MAGI2: variants seen among roughly 807,000 people sequenced by gnomAD.
MAGI2 encodes the protein membrane-associated guanylate kinase, WW and PDZ domain-containing protein 2.
Under a neutral mutation model 133.3 loss-of-function variants are expected in MAGI2, and 35 were observed. That is an observed-to-expected ratio of 0.26 (90% CI 0.20 to 0.35). MAGI2 has a LOEUF of 0.35. Among genes scored for constraint, MAGI2 ranks in the 10% least tolerant of loss-of-function variants. MAGI2 has a pLI of 1.00. For synonymous variants in MAGI2, 729 were observed against 710.6 expected, an observed-to-expected ratio of 1.03 and a Z score of -0.41; for missense variants, 1,636 against 1,863.4, an observed-to-expected ratio of 0.88 and a Z score of 2.25.
chr7:79,148,672 C>T (rs949266213), intron 1 of MAGI2, among the ~76,000 whole-genome samples: 1 of 151,846 alleles, frequency 6.6e-6, no homozygotes, highest in African/African-American at 2.4e-5. Context: ...TGAGGTCTCT[C>T]TCAGGCTCTC....
At chr7:79,288,952 C>T (rs1298174318) in intron 1 of MAGI2, among the ~76,000 whole-genome samples, 1 of 152,114 alleles carries the variant, frequency 6.6e-6, no homozygotes, top group African/African-American at 2.4e-5. Flanking sequence ...GGGCTTTTCT[C>T]TGGCACAGAC....
chr7:78,108,606 GTC>G (rs957711953), intron 20 of MAGI2, among the ~76,000 whole-genome samples: 1 of 149,786 alleles, frequency 6.7e-6, no homozygotes, highest in Non-Finnish European at 1.5e-5. Flanking sequence ...ATTGGGGTCG[GTC>G]TCTCTCTCTC....
intron 1 of MAGI2, among the ~76,000 whole-genome samples, chr7:79,140,524 A>G (rs936516052): frequency 6.6e-6 from 1 of 152,182 alleles, no homozygotes; most frequent in Non-Finnish European, 1.5e-5. Context: ...ACTAGATACA[A>G]GAAGTCATTT....
At chr7:78,176,175 G>T (rs1178760459) in intron 14 of MAGI2, among the ~76,000 whole-genome samples, 1 of 152,140 alleles carries the variant, frequency 6.6e-6, no homozygotes, top group East Asian at 1.9e-4. Flanking sequence ...CTTGTGACAT[G>T]AGATTCTTAA....
chr7:78,096,258 C>A (rs1817682835), intron 20 of MAGI2, among the ~76,000 whole-genome samples: 1 of 152,120 alleles, frequency 6.6e-6, no homozygotes, highest in Non-Finnish European at 1.5e-5. Context: ...TGGTTTGCAC[C>A]TTATGACTAA....
At chr7:79,294,919 T>C (rs541872949) in intron 1 of MAGI2, among the ~76,000 whole-genome samples, 3 of 151,032 alleles carry the variant, frequency 2.0e-5, no homozygotes, top group South Asian at 2.1e-4. Flanking sequence ...TTTTTTTTTT[T>C]AGTAGAGACG....
chr7:78,471,145 T>C (rs1238690657), intron 6 of MAGI2, among the ~76,000 whole-genome samples: 1 of 152,160 alleles, frequency 6.6e-6, no homozygotes, highest in South Asian at 2.1e-4. Flanking sequence ...TCAGTTCTAT[T>C]CCATTAAGAA....
intron 2 of MAGI2, among the ~76,000 whole-genome samples, chr7:78,990,630 C>T (rs2116322161): frequency 6.6e-6 from 1 of 152,018 alleles, no homozygotes; most frequent in Non-Finnish European, 1.5e-5. Flanking sequence ...TTCTACACTG[C>T]TCACTATTTT....
chr7:79,235,364 T>C (rs953214622), intron 1 of MAGI2, among the ~76,000 whole-genome samples: 80 of 152,280 alleles, frequency 5.3e-4, no homozygotes, highest in Non-Finnish European at 8.8e-4. Flanking sequence ...TAAGCAAGCC[T>C]GGGCAATGGC....
At chr7:78,799,700 T>C (rs1787905613) in intron 2 of MAGI2, among the ~76,000 whole-genome samples, 3 of 152,186 alleles carry the variant, frequency 2.0e-5, no homozygotes, top group Admixed American at 6.5e-5. Context: ...AGTTTTAAAG[T>C]AGTAAGTCTT....
At chr7:78,918,180 A>G (rs1000746503) in intron 2 of MAGI2, among the ~76,000 whole-genome samples, 1 of 152,190 alleles carries the variant, frequency 6.6e-6, no homozygotes, top group Admixed American at 6.6e-5. Context: ...TCTATTACTC[A>G]AGAAATTCCA....
intron 2 of MAGI2, among the ~76,000 whole-genome samples, chr7:78,734,893 C>A (rs1305858029): frequency 2.6e-5 from 4 of 152,160 alleles, no homozygotes; most frequent in South Asian, 4.1e-4. Context: ...GTTCAGTGAA[C>A]CCTGCACACA....
chr7:78,125,423 A>G (rs537644579), intron 20 of MAGI2, among the ~76,000 whole-genome samples: 8 of 152,238 alleles, frequency 5.3e-5, no homozygotes, highest in Non-Finnish European at 1.2e-4. Flanking sequence ...TTTCCTTTTC[A>G]AGCTATTTCT....
chr7:78,051,681 T>C (rs148013224), intron 21 of MAGI2, among the ~76,000 whole-genome samples: 14,725 of 152,118 alleles, frequency 0.097, 783 homozygotes, highest in African/African-American at 0.11. Flanking sequence ...GCCTCCTGTG[T>C]TCAAGTGATT....
At chr7:78,392,798 T>C (rs1258661760) in intron 6 of MAGI2, among the ~76,000 whole-genome samples, 1 of 152,048 alleles carries the variant, frequency 6.6e-6, no homozygotes, top group African/African-American at 2.4e-5. Flanking sequence ...CATGCGCCAC[T>C]GCACCTGGCT....
chr7:78,692,890 A>G (rs914167678), intron 2 of MAGI2, among the ~76,000 whole-genome samples: 2 of 152,192 alleles, frequency 1.3e-5, no homozygotes, highest in African/African-American at 4.8e-5. Context: ...CCTCCCTATC[A>G]ACGGTTTCTT....
chr7:78,136,517 G>A (rs1374806007), intron 16 of MAGI2, among the ~76,000 whole-genome samples: 6 of 152,126 alleles, frequency 3.9e-5, no homozygotes, highest in Non-Finnish European at 7.3e-5. Flanking sequence ...AAATGTTTAA[G>A]TACCTACCAA....
intron 6 of MAGI2, among the ~76,000 whole-genome samples, chr7:78,451,721 A>G (rs1178211864): frequency 1.3e-5 from 2 of 152,152 alleles, no homozygotes; most frequent in East Asian, 3.9e-4. Context: ...ATTGTCTGGT[A>G]CAGAGTAAGT....
At chr7:78,926,579 C>T (rs958571202) in intron 2 of MAGI2, among the ~76,000 whole-genome samples, 4 of 151,996 alleles carry the variant, frequency 2.6e-5, no homozygotes, top group African/African-American at 4.8e-5. Context: ...AAGATTCCTC[C>T]TGCCCAAGAA....
Sources: allele counts gnomAD v4.1 joint callset (sites outside exome capture counted in the v4.1 genomes callset), GRCh38; gene constraint gnomAD v4.1.1; transcripts MANE v1.5; gene names NCBI Gene and HGNC (gene_info 2026-07-23, HGNC 2026-07-21).